The following ZC3H11A variants were observed in gnomAD, a reference collection of about 807,000 sequenced individuals.
The protein encoded by ZC3H11A is zinc finger CCCH-type containing 11A, also known as zinc finger CCCH domain-containing protein 11A.
In ZC3H11A, 22 loss-of-function variants were observed where a neutral mutation model predicts 90.8. The observed-to-expected ratio is 0.24, with a 90% CI of 0.17 to 0.35. The LOEUF (loss-of-function observed/expected upper bound fraction) is 0.35. Ranked by LOEUF, ZC3H11A falls within the 10% of genes least tolerant of loss-of-function variation. The pLI, the probability that ZC3H11A is intolerant of heterozygous loss-of-function variation, is 1.00. For missense variants in ZC3H11A, 701 were observed against 964.9 expected (o/e 0.73, Z 3.62); for synonymous variants, 294 against 339.8 (o/e 0.87, Z 1.48).
In ZC3H11A at chr1:203,829,855, G is replaced by A. The variant is rs746452954; in HGVS notation, c.578G>A (p.Arg193Gln). 3.1e-6 allele frequency: 5 copies of A among 1,614,086 alleles called. No homozygotes were observed. The highest frequency in any genetic ancestry group is 4.2e-6 in the Non-Finnish European group (5 of 1,180,014). Residue 193 changes from arginine to glutamine, a missense_variant, in exon 7 of 18, where the codon CGA becomes CAA. By Grantham distance (43) the Arg-to-Gln change is conservative. Around this residue, in one of 4 missense-constraint regions of ZC3H11A, gnomAD observed 530 missense variants for 696.2 expected, o/e 0.76. Transcript: ENST00000367210. ...ACTCCTGAAGTTCACAATGGATTAC[G>A]AGTGACTTCTGTCCGGAAACCTGCA... ...QPTPEVHNGL[R>Q]VTSVRKPAVN... is the part of the protein sequence containing the mutation.
intron 2 of ZC3H11A, among the ~76,000 whole-genome samples, chr1:203,807,768 G>T (rs1672873710): frequency 6.6e-6 from 1 of 151,798 alleles, no homozygotes; most frequent in East Asian, 1.9e-4. Flanking sequence ...TTGAGAGAGG[G>T]TCTTGCTCTG....
At chr1:203,829,056 G>A (rs1377629168) in intron 5 of ZC3H11A, among the ~76,000 whole-genome samples, 2 of 152,080 alleles carry the variant, frequency 1.3e-5, no homozygotes. Context: ...TCAATTTAAG[G>A]GAAAAAAGTA....
chr1:203,850,716 T>G (rs749903764), intron 16 of ZC3H11A, 35 bp downstream of exon 16: 2 of 1,598,770 alleles, frequency 1.3e-6, no homozygotes, highest in South Asian at 2.2e-5. Context: ...TGCTTTATTC[T>G]GTGTGGTAGG....
intron 1 of ZC3H11A, chr1:203,801,175 A>G (rs965368601): frequency 8.5e-5 from 13 of 152,232 alleles, no homozygotes; most frequent in Non-Finnish European, 1.8e-4. Flanking sequence ...AAAACAGACT[A>G]AAATGTTTGC....
chr1:203,842,278 G>T (rs1469864573), intron 12 of ZC3H11A, among the ~76,000 whole-genome samples: 1 of 152,230 alleles, frequency 6.6e-6, no homozygotes, highest in Non-Finnish European at 1.5e-5. Flanking sequence ...AGCAAGCCGA[G>T]ATCACGCCAC....
intron 12 of ZC3H11A, among the ~76,000 whole-genome samples, chr1:203,843,682 G>A (rs571849813): frequency 1.3e-5 from 2 of 152,294 alleles, no homozygotes; most frequent in African/African-American, 4.8e-5. Flanking sequence ...ACAAAATTAG[G>A]TGGTGGCCAT....
intron 5 of ZC3H11A, 131 bp from the exon 6 acceptor site, chr1:203,829,320 C>CT: frequency 1.1e-6 from 1 of 916,116 alleles, no homozygotes; most frequent in African/African-American, 1.7e-5. Context: ...GACTTTAGAA[C>CT]TTAAATGAGG....
intron 4 of ZC3H11A, among the ~76,000 whole-genome samples, chr1:203,820,899 T>G (rs1350707902): frequency 6.6e-6 from 1 of 152,202 alleles, no homozygotes; most frequent in Admixed American, 6.5e-5. Flanking sequence ...ATAAAGGCTT[T>G]CTTTTTGTAA....
intron 1 of ZC3H11A, chr1:203,798,635 T>A (rs762568030): frequency 6.5e-7 from 1 of 1,536,142 alleles, no homozygotes; most frequent in South Asian, 1.2e-5. Flanking sequence ...CAGATGAACC[T>A]ATGTTAGAGG....
chr1:203,852,548 T>G lies in ZC3H11A; in HGVS notation c.*149T>G. ...ACCTCTGAATTATCTGTATGTGTCCTGGATTCCTTGGGGTCAGATTTTTAA... is the reference window on the plus strand; with the variant it reads ...ACCTCTGAATTATCTGTATGTGTCCGGGATTCCTTGGGGTCAGATTTTTAA... On this transcript the variant is annotated 3_prime_UTR_variant, in exon 18 of 18. Coordinates refer to ENST00000367210, the MANE Select transcript of ZC3H11A (RefSeq NM_001376342.1). The G allele has an allele frequency of 3.7e-6, 3 of 811,072 alleles. No homozygotes were observed. Among genetic ancestry groups the G allele is most frequent in the Admixed American group, 2.9e-5 (1 of 33,924 alleles). 50.2% of individuals were successfully genotyped at this position (811,072 alleles called of 1,614,324 possible). A position where few individuals can be genotyped will look rare whatever the true frequency, so the allele number is the denominator to read the frequency against.
At chr1:203,827,974 T>C (rs1178948117) in intron 4 of ZC3H11A, among the ~76,000 whole-genome samples, 1 of 152,214 alleles carries the variant, frequency 6.6e-6, no homozygotes, top group African/African-American at 2.4e-5. Flanking sequence ...AGTAACATAA[T>C]AGAGATTCAG....
chr1:203,828,941 G>A (rs957196654), intron 5 of ZC3H11A, among the ~76,000 whole-genome samples: 1 of 152,170 alleles, frequency 6.6e-6, no homozygotes, highest in Non-Finnish European at 1.5e-5. Flanking sequence ...TAAAAAGCTA[G>A]TGGTTATTCC....
Position 203,848,253 on chromosome 1 carries a change from T to G in ZC3H11A, c.1547-78T>G, listed in dbSNP as rs902422460. The G allele has an allele frequency of 7.5e-6, 9 of 1,205,440 alleles. No homozygotes were observed. The African/African-American group carries it at 1.4e-4, about 18-fold the overall frequency. 74.7% of individuals were successfully genotyped at this position (1,205,440 alleles called of 1,614,324 possible). ...GTCCTGTCTTACTACTTTCATTAAA[T>G]AAAGTTTTGTTTAACATATCTATCA... On this transcript the variant is annotated intron_variant, in intron 13 of 17. Transcript: ENST00000367210.
chr1:203,798,950 A>G (rs1202965421), intron 1 of ZC3H11A: 4 of 1,536,004 alleles, frequency 2.6e-6, no homozygotes, highest in Admixed American at 3.9e-5. Flanking sequence ...AGAATGTTCA[A>G]AGCCAAAAGA....
chr1:203,830,024 G>T (rs1681752748), intron 7 of ZC3H11A, 99 bp from the exon 8 acceptor site: 5 of 1,322,364 alleles, frequency 3.8e-6, no homozygotes, highest in African/African-American at 1.5e-5. Flanking sequence ...CTTAGTTTCT[G>T]TTGATCATTT....
At chr1:203,834,069 C>T in intron 10 of ZC3H11A, 1 of 1,218,172 alleles carries the variant, frequency 8.2e-7, no homozygotes, top group Non-Finnish European at 1.0e-6. Context: ...ATGACCATGA[C>T]CAGCGTTTTG....
At chr1:203,805,023 G>GA (rs1671807081) in intron 2 of ZC3H11A, among the ~76,000 whole-genome samples, 1 of 151,146 alleles carries the variant, frequency 6.6e-6, no homozygotes, top group Non-Finnish European at 1.5e-5. Context: ...TTTTCCTTTT[G>GA]AAAAAATTGA....
At chr1:203,823,789 A>G (rs1401864206) in intron 4 of ZC3H11A, among the ~76,000 whole-genome samples, 1 of 152,254 alleles carries the variant, frequency 6.6e-6, no homozygotes, top group African/African-American at 2.4e-5. Flanking sequence ...GCAATTTGTA[A>G]TAGTAAAATA....
At chr1:203,818,724 T>C (rs770015914) in intron 4 of ZC3H11A, 35 bp downstream of exon 4, 6 of 1,613,114 alleles carry the variant, frequency 3.7e-6, no homozygotes, top group Non-Finnish European at 5.1e-6. Flanking sequence ...TAATAAGTAG[T>C]CTGGAGACCT....
Sources: allele counts gnomAD v4.1 joint callset (sites outside exome capture counted in the v4.1 genomes callset), GRCh38; gene constraint gnomAD v4.1.1; regional missense constraint gnomAD v4.1.1; transcripts MANE v1.5; gene names NCBI Gene and HGNC (gene_info 2026-07-23, HGNC 2026-07-21).